The following SIN3B variants were observed in gnomAD, a reference collection of about 807,000 sequenced individuals.
SIN3B encodes the protein SIN3 transcription regulator family member B.
A neutral mutation model predicts 120.2 loss-of-function variants in SIN3B; 19 were observed. The ratio of observed to expected loss-of-function variants is 0.16; its 90% CI spans 0.11 to 0.23. SIN3B has a LOEUF of 0.23. Among genes scored for constraint, SIN3B ranks in the 10% least tolerant of loss-of-function variants. The pLI, the probability that SIN3B is intolerant of heterozygous loss-of-function variation, is 1.00. For synonymous variants in SIN3B, 654 were observed against 653.2 expected (o/e 1.00, Z -0.02); for missense variants, 1,073 against 1,573.0 (o/e 0.68, Z 5.38).
intron 16 of SIN3B, chr19:16,877,233 A>G: frequency 2.5e-6 from 1 of 399,660 alleles, no homozygotes. Flanking sequence ...CCACAACCAC[A>G]GTGTGGGCCG....
chr19:16,841,693 A>G lies in SIN3B; in HGVS notation c.382-75A>G, dbSNP rs1971418652. 1.4e-5 allele frequency: 19 copies of G among 1,373,004 alleles called. 1 individual carries two copies. Among genetic ancestry groups the G allele is most frequent in the Non-Finnish European group, 1.8e-5 (17 of 965,596 alleles). The allele number at this position is 1,373,004 out of a possible 1,614,324, so 85.1% of individuals were successfully genotyped here. A position where few individuals can be genotyped will look rare whatever the true frequency, so the allele number is the denominator to read the frequency against. On this transcript the variant is annotated intron_variant, in intron 3 of 18. Transcript: ENST00000248054. ...GAGTTTTTTCTGTTCCTGTGCAGAC[A>G]GTGGCTGGGCCTGGTGTTTTTCACA...
At chr19:16,830,116 T>A (rs1450673386) in intron 2 of SIN3B, among the ~76,000 whole-genome samples, 1 of 152,144 alleles carries the variant, frequency 6.6e-6, no homozygotes, top group Non-Finnish European at 1.5e-5. Flanking sequence ...AGGACAGGGA[T>A]CTGGGGGGAG....
In SIN3B at chr19:16,866,223, C is replaced by G. The variant is rs747820329; in HGVS notation, c.1623-150C>G. 4.3e-6 allele frequency: 3 copies of G among 701,920 alleles called. No individual in the cohort carries two copies. The South Asian group carries it at 6.1e-5, about 14-fold the overall frequency. The allele number at this position is 701,920 out of a possible 1,614,324, so 43.5% of individuals were successfully genotyped here. The stretch of plus-strand genomic sequence containing the variant: ...CATCACGCCCTCCCTCTGACGTGCA[C>G]AGAGCCCACTGCACAGACTAGGCTG... On this transcript the variant is annotated intron_variant, in intron 11 of 18. Transcript: ENST00000248054.
At chr19:16,869,289 A>G (rs1398631207) in intron 12 of SIN3B, among the ~76,000 whole-genome samples, 171 bp from the exon 13 acceptor site, 1 of 152,186 alleles carries the variant, frequency 6.6e-6, no homozygotes, top group Non-Finnish European at 1.5e-5. Context: ...AGGTTGAGGC[A>G]AGCGACCTAC....
intron 3 of SIN3B, among the ~76,000 whole-genome samples, chr19:16,835,262 T>C (rs1010679945): frequency 2.7e-5 from 4 of 147,028 alleles, no homozygotes; most frequent in African/African-American, 1.0e-4. Flanking sequence ...AGAGTCTCGC[T>C]GTGTTGCCCA....
chr19:16,836,546 T>G (rs997356583), intron 3 of SIN3B, among the ~76,000 whole-genome samples: 1 of 152,218 alleles, frequency 6.6e-6, no homozygotes, highest in East Asian at 1.9e-4. Context: ...ATGCATTGTT[T>G]CTTATTGGTT....
At position 16,846,950 on chromosome 19, in the gene SIN3B, C is replaced by T; in HGVS notation, c.583-20C>T. The T allele has an allele frequency of 6.2e-7, 1 of 1,612,136 alleles. No homozygotes were observed. The highest frequency in any genetic ancestry group is 8.5e-7 in the Non-Finnish European group (1 of 1,178,502). Reference sequence around the variant, plus strand: ...ACTCCTTGACTAACGACTTATTTTCCCTTTCCTGAAAACTGGCAGAAGGAG... The same window carrying T: ...ACTCCTTGACTAACGACTTATTTTCTCTTTCCTGAAAACTGGCAGAAGGAG... On this transcript the variant is annotated intron_variant, in intron 4 of 18. Coordinates refer to ENST00000248054, the MANE Select transcript of SIN3B (RefSeq NM_001297595.2).
At chr19:16,831,920 T>C (rs1469660475) in intron 3 of SIN3B, among the ~76,000 whole-genome samples, 1 of 152,110 alleles carries the variant, frequency 6.6e-6, no homozygotes, top group Non-Finnish European at 1.5e-5. Flanking sequence ...TTGTGTGAAG[T>C]CTAAATAACC....
chr19:16,855,296 G>A (rs930302613), intron 8 of SIN3B: 17 of 142,698 alleles, frequency 1.2e-4, no homozygotes, highest in African/African-American at 4.4e-4. Flanking sequence ...CAAACCCCTG[G>A]CAACTACTTA....
Position 16,846,960 on chromosome 19 carries a change from A to C in SIN3B, c.583-10A>C. ...TAACGACTTATTTTCCCTTTCCTGA[A>C]AACTGGCAGAAGGAGCAGCTGAACA... is the stretch of plus-strand genomic sequence containing the variant. On this transcript the variant is annotated splice_polypyrimidine_tract_variant and intron_variant, in intron 4 of 18. Coordinates refer to ENST00000248054, the MANE Select transcript of SIN3B (RefSeq NM_001297595.2). 1 of 1,612,900 alleles carries C rather than the reference A, an allele frequency of 6.2e-7. No individual in the cohort carries two copies. Among genetic ancestry groups the C allele is most frequent in the Non-Finnish European group, 8.5e-7 (1 of 1,179,020 alleles).
At chr19:16,855,112 C>T (rs1971594542) in intron 8 of SIN3B, 1 of 152,138 alleles carries the variant, frequency 6.6e-6, no homozygotes, top group South Asian at 2.1e-4. Flanking sequence ...CCGTTCTTTC[C>T]AGACTCTCCG....
intron 10 of SIN3B, among the ~76,000 whole-genome samples, chr19:16,864,127 C>T (rs192616125): frequency 1.3e-5 from 2 of 152,168 alleles, no homozygotes; most frequent in East Asian, 1.9e-4. Flanking sequence ...AACCCCATCT[C>T]TACCAAAAAT....
At position 16,871,322 on chromosome 19, in the gene SIN3B, C is replaced by A. The variant is rs1179143880; in HGVS notation, c.2516C>A (p.Thr839Asn). Residue 839 changes from threonine (T) to asparagine (N), a missense_variant, in exon 14 of 19, where the codon ACC (threonine) becomes AAC (asparagine). Thr to Asn is a moderately conservative substitution (Grantham distance 65, BLOSUM62 0). Transcript: ENST00000248054. ...ATCGACCCCACGCAGTACGAGGACA[C>A]CCTACGCGAGATGTTCACCATCCAT... is the stretch of plus-strand genomic sequence containing the variant. Reference protein sequence around the residue: ...GSIDPTQYEDTLREMFTIHAY... With the variant: ...GSIDPTQYEDNLREMFTIHAY... The A allele has an allele frequency of 6.2e-7, 1 of 1,614,048 alleles. No homozygotes were observed. Among genetic ancestry groups the A allele is most frequent in the East Asian group, 2.2e-5 (1 of 44,880 alleles).
intron 13 of SIN3B, among the ~76,000 whole-genome samples, chr19:16,870,672 C>T (rs945313748): frequency 1.3e-5 from 2 of 151,966 alleles, no homozygotes; most frequent in African/African-American, 4.8e-5. Context: ...CTGCCTCAGC[C>T]TCTGAGTAGC....
chr19:16,864,126 T>G (rs186746999), intron 10 of SIN3B, among the ~76,000 whole-genome samples: 2 of 152,238 alleles, frequency 1.3e-5, no homozygotes, highest in East Asian at 1.9e-4. Flanking sequence ...AAACCCCATC[T>G]CTACCAAAAA....
At chr19:16,844,165 C>G (rs1971452465) in intron 4 of SIN3B, 2 of 152,304 alleles carry the variant, frequency 1.3e-5, no homozygotes, top group Non-Finnish European at 2.9e-5. Context: ...GCATTTTAAA[C>G]AAGGCCCCTG....
chr19:16,865,861 A>G (rs1971764538), intron 11 of SIN3B, among the ~76,000 whole-genome samples: 1 of 152,222 alleles, frequency 6.6e-6, no homozygotes, highest in Admixed American at 6.5e-5. Flanking sequence ...GTGACCTTCT[A>G]GGACTTTCCA....
intron 10 of SIN3B, chr19:16,865,074 G>A (rs921947183): frequency 5.5e-5 from 11 of 199,162 alleles, no homozygotes; most frequent in African/African-American, 1.6e-4. Flanking sequence ...CTTGTGATCC[G>A]CCCATCTCAG....
intron 8 of SIN3B, among the ~76,000 whole-genome samples, chr19:16,859,045 G>A (rs1363461908): frequency 1.3e-5 from 2 of 152,186 alleles, no homozygotes; most frequent in Non-Finnish European, 2.9e-5. Flanking sequence ...TACCTACTTT[G>A]GAGGTTGAGG....
Sources: allele counts gnomAD v4.1 joint callset (sites outside exome capture counted in the v4.1 genomes callset), GRCh38; gene constraint gnomAD v4.1.1; transcripts MANE v1.5; gene names NCBI Gene and HGNC (gene_info 2026-07-23, HGNC 2026-07-21).